Variants in CDH22 observed in about 807,000 individuals in gnomAD.
The protein encoded by CDH22 is cadherin 22, also known as cadherin-22.
A neutral mutation model predicts 58.4 loss-of-function variants in CDH22; 30 were observed. The observed-to-expected ratio is 0.51, with a 90% confidence interval of 0.38 to 0.70. The LOEUF (loss-of-function observed/expected upper bound fraction) is 0.70, where lower values mean the gene tolerates loss of function less well. CDH22 is among the 30% of genes least tolerant of loss of function. CDH22 has a pLI of 0.00. For synonymous variants in CDH22, 513 were observed against 558.2 expected, an observed-to-expected ratio of 0.92 and a Z score of 1.14; for missense variants, 1,014 against 1,233.9, an observed-to-expected ratio of 0.82 and a Z score of 2.67.
At chr20:46,244,477 G>A (rs577071894) in intron 2 of CDH22, among the ~76,000 whole-genome samples, 2 of 152,372 alleles carry the variant, frequency 1.3e-5, no homozygotes, top group African/African-American at 2.4e-5. Flanking sequence ...TCTCAGCTGC[G>A]AGTGGAGGCT....
Position 46,210,490 on chromosome 20 carries a change from CG to C in CDH22, c.1102del (p.Arg368AlafsTer18). ...GCGGAACGTGCCCAGGTCGGCGAAG[CG>C]GGGGTCCACGAACTTGTTGAGGGCC... ...LEALNKFVDP[R>X]FADLGTFRDQ... On this transcript the variant is annotated frameshift_variant, in exon 7 of 12. Coordinates refer to ENST00000537909, the MANE Select transcript of CDH22 (RefSeq NM_021248.3). LOFTEE classifies it high-confidence loss of function. This position sits in a 1 kb window ranked among gnomAD's most constrained non-coding sequence, Gnocchi z 4.5. The C allele has an allele frequency of 2.8e-6, 4 of 1,430,676 alleles. No individual in the cohort carries two copies. The highest frequency in any genetic ancestry group is 1.6e-5 in the South Asian group (1 of 64,082). The allele number at this position is 1,430,676 out of a possible 1,614,324, so 88.6% of individuals were successfully genotyped here. A position where few individuals can be genotyped will look rare whatever the true frequency, so the allele number is the denominator to read the frequency against.
chr20:46,235,447 C>T (rs1272013097), intron 3 of CDH22, among the ~76,000 whole-genome samples: 1 of 152,192 alleles, frequency 6.6e-6, no homozygotes, highest in Non-Finnish European at 1.5e-5. Flanking sequence ...GTATCTTTAG[C>T]CTCATCTCTC....
At chr20:46,252,965 G>C (rs555930394) in intron 1 of CDH22, among the ~76,000 whole-genome samples, 247 of 152,292 alleles carry the variant, frequency 1.6e-3, no homozygotes, top group African/African-American at 5.5e-3. Flanking sequence ...AAAGGGATGG[G>C]CATTTCAGGC....
At chr20:46,255,452 T>C (rs1028977399) in intron 1 of CDH22, among the ~76,000 whole-genome samples, 2 of 152,202 alleles carry the variant, frequency 1.3e-5, no homozygotes, top group African/African-American at 2.4e-5. Flanking sequence ...AAAATGCACC[T>C]CTAGGTGAAT....
chr20:46,210,262 G>C lies in CDH22; in HGVS notation c.1286+45C>G, dbSNP rs1364510014. On this transcript the variant is annotated intron_variant, in intron 7 of 11. Coordinates refer to ENST00000537909, the MANE Select transcript of CDH22 (RefSeq NM_021248.3). This position sits in a 1 kb window ranked among gnomAD's most constrained non-coding sequence, Gnocchi z 4.5. Reference sequence around the variant, plus strand: ...CCGCAGTCTGTCCGCGGGGGTGATGGCGGGATAGCAGGCAGCAGGCGTCGG... The same window carrying C: ...CCGCAGTCTGTCCGCGGGGGTGATGCCGGGATAGCAGGCAGCAGGCGTCGG... 1.8e-5 allele frequency: 25 copies of C among 1,366,296 alleles called. 1 individual carries two copies. In the Admixed American group the frequency reaches 9.5e-4, roughly 52 times the overall value. The allele number at this position is 1,366,296 out of a possible 1,614,324, so 84.6% of individuals were successfully genotyped here.
intron 8 of CDH22, among the ~76,000 whole-genome samples, chr20:46,193,986 C>T (rs113218115): frequency 1.6e-4 from 25 of 152,132 alleles, no homozygotes; most frequent in Admixed American, 3.3e-4. Context: ...AGAGCCCCCT[C>T]TTTACCAAAA....
intron 1 of CDH22, among the ~76,000 whole-genome samples, chr20:46,270,332 A>C (rs1010485001): frequency 6.6e-6 from 1 of 152,168 alleles, no homozygotes; most frequent in Admixed American, 6.5e-5. Context: ...TGCAGGCTGC[A>C]GTGCAGTTTG....
rs1169991733 is a variant in CDH22, at chr20:46,210,361, G to A, written c.1232C>T (p.Ser411Phe). The A allele has an allele frequency of 2.0e-6, 3 of 1,474,826 alleles. No homozygotes were observed. The highest frequency in any genetic ancestry group is 2.6e-5 in the South Asian group (2 of 76,980). The allele number at this position is 1,474,826 out of a possible 1,614,324, so 91.4% of individuals were successfully genotyped here. A position where few individuals can be genotyped will look rare whatever the true frequency, so the allele number is the denominator to read the frequency against. Residue 411 changes from serine (S) to phenylalanine (F), a missense_variant, in exon 7 of 12, where the codon TCC becomes TTC. This residue lies in a region of CDH22 where 806 missense variants were observed against 1,038.7 expected (regional missense o/e 0.78). Transcript: ENST00000537909. This position sits in a 1 kb window ranked among gnomAD's most constrained non-coding sequence, Gnocchi z 4.5. ...LEVQEDAQVG[S>F]LVGVVTARDP... ...CCGCGCCGTCACCACGCCGACCAGG[G>A]AGCCCACCTGCGCGTCCTCCTGCAC...
At chr20:46,226,313 T>G (rs1446357902) in intron 4 of CDH22, among the ~76,000 whole-genome samples, 1 of 144,554 alleles carries the variant, frequency 6.9e-6, no homozygotes. Flanking sequence ...TGAGACAGGG[T>G]CTTGCTCTGT....
intron 1 of CDH22, among the ~76,000 whole-genome samples, chr20:46,304,247 G>T (rs557753570): frequency 4.9e-4 from 75 of 152,324 alleles, no homozygotes; most frequent in African/African-American, 1.7e-3. Flanking sequence ...AGGAGGAACT[G>T]CTGCATTTAC....
At chr20:46,177,839 C>T in intron 11 of CDH22, 107 bp downstream of exon 11, 2 of 1,403,830 alleles carry the variant, frequency 1.4e-6, no homozygotes, top group Non-Finnish European at 2.0e-6. Context: ...AGCCCATCCT[C>T]ATGTGGAGAG....
intron 1 of CDH22, among the ~76,000 whole-genome samples, chr20:46,279,651 G>T (rs1364663247): frequency 2.6e-5 from 4 of 152,196 alleles, no homozygotes; most frequent in Admixed American, 2.0e-4. Context: ...TACATACTAA[G>T]CTCATCCTAG....
At chr20:46,265,355 T>C (rs2086454370) in intron 1 of CDH22, among the ~76,000 whole-genome samples, 1 of 152,172 alleles carries the variant, frequency 6.6e-6, no homozygotes, top group Non-Finnish European at 1.5e-5. Context: ...ATTAAAATTG[T>C]ACAATTCAGC....
intron 2 of CDH22, among the ~76,000 whole-genome samples, chr20:46,250,066 C>T (rs969779391): frequency 2.6e-5 from 4 of 152,304 alleles, no homozygotes; most frequent in East Asian, 1.9e-4. Context: ...CCTTTTCTCC[C>T]CAGCATCACA....
In CDH22 at chr20:46,216,978, G is replaced by C. The variant is rs1208035682; in HGVS notation, c.686C>G (p.Ala229Gly). The change falls in exon 5 of 12, where the codon GCT becomes GGT. Residue 229 changes from alanine to glycine, a missense_variant. Ala to Gly is a moderately conservative substitution (Grantham distance 60, BLOSUM62 0). Transcript: ENST00000537909. The surrounding 1 kb of genome is among the most constrained non-coding windows in gnomAD (Gnocchi z 5.3). ...VDPKTGVIRT[A>G]VPDLDRESQE... Reference sequence around the variant, plus strand: ...GCTCTCGCGGTCAAGGTCAGGCACAGCCGTCCGGATTACGCCTGTGGGTGA... The same window carrying C: ...GCTCTCGCGGTCAAGGTCAGGCACACCCGTCCGGATTACGCCTGTGGGTGA... 3 of 1,597,028 alleles carry C rather than the reference G, an allele frequency of 1.9e-6. No individual in the cohort carries two copies. In the South Asian group the frequency reaches 3.3e-5, roughly 18 times the overall value.
chr20:46,276,013 G>T (rs545050798), intron 1 of CDH22, among the ~76,000 whole-genome samples: 4 of 152,162 alleles, frequency 2.6e-5, no homozygotes, highest in Non-Finnish European at 4.4e-5. Flanking sequence ...CCAGAGGTCA[G>T]GGAGAAAGTG....
Position 46,210,199 on chromosome 20 carries a change from C to T in CDH22, c.1286+108G>A. The T allele has an allele frequency of 8.5e-7, 1 of 1,178,460 alleles. No homozygotes were observed. The highest frequency in any genetic ancestry group is 3.1e-4 in the Middle Eastern group (1 of 3,236). 73.0% of individuals were successfully genotyped at this position (1,178,460 alleles called of 1,614,324 possible). On this transcript the variant is annotated intron_variant, in intron 7 of 11. Coordinates refer to ENST00000537909, the MANE Select transcript of CDH22 (RefSeq NM_021248.3). The surrounding 1 kb of genome is among the most constrained non-coding windows in gnomAD (Gnocchi z 4.5). ...GCCTCCCTCCCCCACGCAGCCCCTT[C>T]CTTCGGCCCTGCCCGCCCCAGCCCT...
At chr20:46,256,974 T>C (rs2086409540) in intron 1 of CDH22, among the ~76,000 whole-genome samples, 1 of 143,106 alleles carries the variant, frequency 7.0e-6, no homozygotes, top group Admixed American at 7.1e-5. Context: ...CCATTAACAC[T>C]CCAGTCTAGG....
At chr20:46,212,961 C>A (rs1600699403) in intron 6 of CDH22, 34 bp downstream of exon 6, 1 of 1,584,260 alleles carries the variant, frequency 6.3e-7, no homozygotes, top group African/African-American at 1.3e-5. Context: ...ACCCCTGAGG[C>A]CTGCCTCCCC....
Sources: gnomAD v4.1 joint callset for allele counts (sites outside exome capture counted in the v4.1 genomes callset) on GRCh38, gnomAD v4.1.1 for gene constraint, gnomAD v4.1.1 regional missense constraint, Gnocchi (gnomAD v3.1) non-coding constraint, MANE v1.5 for transcripts, NCBI Gene and HGNC (gene_info 2026-07-23, HGNC 2026-07-21) for gene names.